The following ATP6V1C2 variants were observed in gnomAD, a reference collection of about 807,000 sequenced individuals.
The protein encoded by ATP6V1C2 is V-type proton ATPase subunit C 2.
In ATP6V1C2, 45 loss-of-function variants were observed where a neutral mutation model predicts 56.8. The ratio of observed to expected loss-of-function variants is 0.79; its 90% CI spans 0.62 to 1.02. The LOEUF is 1.02. Ranked by LOEUF, ATP6V1C2 falls within the 50% of genes least tolerant of loss-of-function variation. The probability of loss-of-function intolerance (pLI) is 0.00; values close to 1 mark genes in which losing one functional copy is unlikely to be tolerated. For missense variants in ATP6V1C2, 463 were observed against 519.7 expected (o/e 0.89, Z 1.06); for synonymous variants, 220 against 201.3 (o/e 1.09, Z -0.79).
chr2:10,762,402 C>T (rs913242093), intron 4 of ATP6V1C2, among the ~76,000 whole-genome samples: 6 of 152,066 alleles, frequency 3.9e-5, no homozygotes, highest in Non-Finnish European at 7.4e-5. Flanking sequence ...CTTCAGCCTC[C>T]CAAAGTGCTG....
chr2:10,779,011 G>A (rs140370874), intron 12 of ATP6V1C2, among the ~76,000 whole-genome samples: 78 of 152,214 alleles, frequency 5.1e-4, no homozygotes, highest in African/African-American at 1.6e-3. Context: ...AGGCGCTCTC[G>A]GGCTGCCTCC....
intron 3 of ATP6V1C2, among the ~76,000 whole-genome samples, chr2:10,751,540 C>G (rs899783414): frequency 2.0e-5 from 3 of 152,108 alleles, no homozygotes; most frequent in South Asian, 2.1e-4. Context: ...TGCCATCGCA[C>G]GGATGGAGAT....
intron 3 of ATP6V1C2, among the ~76,000 whole-genome samples, chr2:10,743,847 T>C (rs1427479656): frequency 1.3e-5 from 2 of 151,894 alleles, no homozygotes; most frequent in African/African-American, 4.8e-5. Context: ...TAGCCAGGCA[T>C]GATGGCGGGC....
At chr2:10,727,941 C>CT (rs1208880752) in intron 3 of ATP6V1C2, among the ~76,000 whole-genome samples, 2 of 152,182 alleles carry the variant, frequency 1.3e-5, no homozygotes, top group African/African-American at 4.8e-5. Flanking sequence ...CTGTTTTTCT[C>CT]TTTCCTGTCC....
rs1665623889 is a variant in ATP6V1C2 at position 10,784,758 on chromosome 2, C to T, written c.*1495C>T. On this transcript the variant is annotated 3_prime_UTR_variant, in exon 14 of 14. Transcript: ENST00000272238. ...CAAGAGTATCAAATGCCATGCAGCA[C>T]TTAAACTTGTGATAAGGAAGATGAA... 1.7e-6 allele frequency: 1 copy of T among 578,524 alleles called. No individual in the cohort carries two copies. Among genetic ancestry groups the T allele is most frequent in the African/African-American group, 1.9e-5 (1 of 53,124 alleles). The allele number at this position is 578,524 out of a possible 1,614,324, so 35.8% of individuals were successfully genotyped here.
chr2:10,746,537 G>A (rs945430503), intron 3 of ATP6V1C2, among the ~76,000 whole-genome samples: 3 of 151,340 alleles, frequency 2.0e-5, no homozygotes, highest in Non-Finnish European at 2.9e-5. Flanking sequence ...CTCAGCCTCC[G>A]AAGTAGCTGG....
intron 8 of ATP6V1C2, among the ~76,000 whole-genome samples, chr2:10,772,877 G>A (rs1035099706): frequency 4.6e-5 from 7 of 152,174 alleles, no homozygotes; most frequent in South Asian, 4.1e-4. Context: ...TCTCCACGCC[G>A]TTGCCTCTGC....
intron 3 of ATP6V1C2, among the ~76,000 whole-genome samples, chr2:10,735,597 TTTC>T (rs1662205536): frequency 6.6e-6 from 1 of 151,882 alleles, no homozygotes; most frequent in Admixed American, 6.6e-5. Flanking sequence ...TTTTTTTTTT[TTTC>T]TCTCTTTTTT....
intron 3 of ATP6V1C2, among the ~76,000 whole-genome samples, chr2:10,750,528 C>A (rs79233293): frequency 7.0e-6 from 1 of 143,656 alleles, no homozygotes; most frequent in Non-Finnish European, 1.5e-5. Context: ...AAACGAAAAG[C>A]AAAAAAAAAA....
intron 4 of ATP6V1C2, 94 bp downstream of exon 4, chr2:10,754,160 T>C (rs1225910542): frequency 7.7e-6 from 8 of 1,042,272 alleles, no homozygotes; most frequent in Non-Finnish European, 1.2e-5. Flanking sequence ...ATCACCGAGA[T>C]GGCCCAGGTC....
At chr2:10,729,003 G>A (rs555978402) in intron 3 of ATP6V1C2, among the ~76,000 whole-genome samples, 7 of 149,736 alleles carry the variant, frequency 4.7e-5, no homozygotes, top group African/African-American at 9.8e-5. Context: ...GGTGGCTGGC[G>A]CCTGTAATCC....
In ATP6V1C2 at chr2:10,780,814, G is replaced by A. The variant is rs1286760565; in HGVS notation, c.1062-1429G>A. On this transcript the variant is annotated intron_variant, in intron 12 of 13. Transcript: ENST00000272238. This position sits in a 1 kb window ranked among gnomAD's most constrained non-coding sequence, Gnocchi z 4.1. ...GCTGGAGTGCAGTGGCACAATCTCA[G>A]CTCACTGCGACCTCCACCTCCCAGG... 1.3e-5 allele frequency among the ~76,000 whole-genome samples: 2 copies of A among 151,396 alleles called. No individual in the cohort carries two copies. The highest frequency in any genetic ancestry group is 4.9e-5 in the African/African-American group (2 of 41,074).
chr2:10,731,617 T>G (rs917262102), intron 3 of ATP6V1C2, among the ~76,000 whole-genome samples: 4 of 152,234 alleles, frequency 2.6e-5, no homozygotes, highest in African/African-American at 9.6e-5. Flanking sequence ...GCCTTAGGTT[T>G]TCCTGGGCAG....
At chr2:10,770,505 C>T (rs143130841) in intron 6 of ATP6V1C2, among the ~76,000 whole-genome samples, 16 of 152,324 alleles carry the variant, frequency 1.1e-4, no homozygotes, top group East Asian at 5.8e-4. Flanking sequence ...GGCCGGGCGC[C>T]GGGGCAGAGA....
chr2:10,745,168 C>G (rs1206361559), intron 3 of ATP6V1C2, among the ~76,000 whole-genome samples: 1 of 147,820 alleles, frequency 6.8e-6, no homozygotes. Context: ...CTCAGCCTCC[C>G]GAGTATCTGG....
intron 12 of ATP6V1C2, 69 bp from the exon 13 acceptor site, chr2:10,782,174 T>C: frequency 6.3e-7 from 1 of 1,576,022 alleles, no homozygotes. Flanking sequence ...GTACTGTTTC[T>C]GGTCAGGTTC....
At chr2:10,754,501 C>T (rs185574652) in intron 4 of ATP6V1C2, among the ~76,000 whole-genome samples, 18 of 152,240 alleles carry the variant, frequency 1.2e-4, no homozygotes, top group African/African-American at 4.3e-4. Flanking sequence ...ACTGTGATTA[C>T]AGGCGTGAGC....
chr2:10,758,388 G>A (rs535577801), intron 4 of ATP6V1C2, among the ~76,000 whole-genome samples: 55 of 152,088 alleles, frequency 3.6e-4, no homozygotes, highest in Non-Finnish European at 6.2e-4. Context: ...TTTGTTGAAC[G>A]GGCTTTATGA....
chr2:10,721,547 G>T (rs1661352878), upstream of ATP6V1C2: 1 of 152,130 alleles, frequency 6.6e-6, no homozygotes, highest in East Asian at 1.9e-4. Flanking sequence ...GGCGGGAGGC[G>T]GACGGCCCGT....
Sources: allele counts gnomAD v4.1 joint callset (sites outside exome capture counted in the v4.1 genomes callset), GRCh38; gene constraint gnomAD v4.1.1; non-coding constraint Gnocchi (gnomAD v3.1); transcripts MANE v1.5; gene names NCBI Gene and HGNC (gene_info 2026-07-23, HGNC 2026-07-21).